Variants in MAST3 observed in about 807,000 individuals in gnomAD.
MAST3 encodes the protein microtubule-associated serine/threonine-protein kinase 3.
In MAST3, 43 loss-of-function variants were observed where a neutral mutation model predicts 127.0. The observed-to-expected ratio is 0.34, with a 90% CI of 0.27 to 0.44. The LOEUF (loss-of-function observed/expected upper bound fraction) is 0.44. Ranked by LOEUF, MAST3 falls within the 20% of genes least tolerant of loss-of-function variation. MAST3 has a pLI of 1.00. For synonymous variants in MAST3, 785 were observed against 809.2 expected (o/e 0.97, Z 0.51); for missense variants, 1,390 against 1,919.1 (o/e 0.72, Z 5.15).
intron 12 of MAST3, 71 bp from the exon 13 acceptor site, chr19:18,128,795 G>A: frequency 8.0e-7 from 1 of 1,247,954 alleles, no homozygotes; most frequent in Non-Finnish European, 1.2e-6. Context: ...CCAGTGGTTT[G>A]GGCTTGGGGG....
chr19:18,109,731 G>A (rs2038363280), intron 2 of MAST3, among the ~76,000 whole-genome samples: 1 of 152,316 alleles, frequency 6.6e-6, no homozygotes, highest in East Asian at 1.9e-4. Flanking sequence ...AGAGGAAACA[G>A]CTGGAAGCCA....
rs942332898 is a variant in MAST3 at position 18,151,280 on chromosome 19, G to C, written c.*1554G>C. The C allele has an allele frequency of 6.6e-6, 1 of 152,182 alleles. No individual in the cohort carries two copies. The highest frequency in any genetic ancestry group is 2.4e-5 in the African/African-American group (1 of 41,436). 9.4% of individuals were successfully genotyped at this position (152,182 alleles called of 1,614,324 possible). A position where few individuals can be genotyped will look rare whatever the true frequency, so the allele number is the denominator to read the frequency against. On this transcript the variant is annotated 3_prime_UTR_variant, in exon 28 of 28. Coordinates refer to ENST00000687212, the MANE Select transcript of MAST3 (RefSeq NM_001393504.1). ...GCGCTTTTACGTGGCTTCTCCCTCA[G>C]CCAGCCTTGAGAAGGCTGGAGGTGG...
At chr19:18,109,981 C>A in intron 2 of MAST3, 3 of 985,366 alleles carry the variant, frequency 3.0e-6, no homozygotes, top group Non-Finnish European at 3.6e-6. Flanking sequence ...CCAGTGACCG[C>A]CCTTCCCTTC....
At chr19:18,148,980 T>TGA (rs2043317568) in intron 27 of MAST3, among the ~76,000 whole-genome samples, 1 of 151,864 alleles carries the variant, frequency 6.6e-6, no homozygotes, top group Non-Finnish European at 1.5e-5. Flanking sequence ...TGAGGATCAC[T>TGA]TCAGCCCAGG....
intron 10 of MAST3, 56 bp downstream of exon 10, chr19:18,124,422 C>G: frequency 1.3e-6 from 2 of 1,482,596 alleles, no homozygotes; most frequent in Middle Eastern, 3.4e-4. Flanking sequence ...AGATTGGGAC[C>G]ACAACAGTCC....
intron 21 of MAST3, 111 bp downstream of exon 21, chr19:18,142,126 A>T: frequency 8.5e-7 from 1 of 1,178,858 alleles, no homozygotes; most frequent in South Asian, 2.9e-5. Context: ...GAAAAGGGTC[A>T]AACATATTGA....
At chr19:18,124,169 T>C in intron 9 of MAST3, 21 bp downstream of exon 9, 1 of 1,601,706 alleles carries the variant, frequency 6.2e-7, no homozygotes, top group South Asian at 1.1e-5. Flanking sequence ...TTTCGCATGT[T>C]GAGGTTTTGC....
chr19:18,121,669 C>T lies in MAST3; in HGVS notation c.162-16C>T, dbSNP rs1020269293. 4 of 1,611,906 alleles carry T rather than the reference C, an allele frequency of 2.5e-6. No homozygotes were observed. Among genetic ancestry groups the T allele is most frequent in the Non-Finnish European group, 3.4e-6 (4 of 1,178,816 alleles). ...CCCTGGGCAGCCACCTACCCTGTCCCCTTTTCCCCCCACAGCTGCCGCAGC... is the reference window on the plus strand; with the variant it reads ...CCCTGGGCAGCCACCTACCCTGTCCTCTTTTCCCCCCACAGCTGCCGCAGC... On this transcript the variant is annotated splice_polypyrimidine_tract_variant and intron_variant, in intron 3 of 27. Coordinates refer to ENST00000687212, the MANE Select transcript of MAST3 (RefSeq NM_001393504.1).
chr19:18,120,171 T>C (rs138231295), intron 3 of MAST3, among the ~76,000 whole-genome samples: 147 of 152,224 alleles, frequency 9.7e-4, no homozygotes, highest in African/African-American at 3.3e-3. Context: ...GGGCAAAAGT[T>C]CAGCAGAAGA....
intron 13 of MAST3, among the ~76,000 whole-genome samples, chr19:18,130,137 G>A (rs950745115): frequency 3.3e-5 from 5 of 151,546 alleles, no homozygotes; most frequent in African/African-American, 4.8e-5. Context: ...CATTTGAGCC[G>A]GGGGGGTGGT....
At chr19:18,101,881 T>TA (rs1213725033) in intron 1 of MAST3, among the ~76,000 whole-genome samples, 9 of 128,538 alleles carry the variant, frequency 7.0e-5, no homozygotes, top group African/African-American at 2.5e-4. Context: ...GGCCTCAAAC[T>TA]CTTTTTTTTT....
At chr19:18,132,873 C>A (rs866227298) in intron 15 of MAST3, among the ~76,000 whole-genome samples, 1 of 152,136 alleles carries the variant, frequency 6.6e-6, no homozygotes, top group Admixed American at 6.6e-5. Context: ...GAGGCCAAGG[C>A]GGGCGGATCA....
intron 15 of MAST3, among the ~76,000 whole-genome samples, chr19:18,133,800 G>A (rs542516204): frequency 8.0e-4 from 121 of 151,862 alleles, no homozygotes; most frequent in Non-Finnish European, 1.5e-3. Context: ...GTGATCTGCC[G>A]GCTTCGGCCT....
At chr19:18,136,218 A>G (rs1391014524) in intron 18 of MAST3, among the ~76,000 whole-genome samples, 1 of 152,134 alleles carries the variant, frequency 6.6e-6, no homozygotes, top group Non-Finnish European at 1.5e-5. Context: ...CGTGGCCACT[A>G]TGGCTCCTGT....
chr19:18,098,248 C>T (rs1328039183), intron 1 of MAST3, among the ~76,000 whole-genome samples: 1 of 152,134 alleles, frequency 6.6e-6, no homozygotes, highest in African/African-American at 2.4e-5. Flanking sequence ...CCACTGTACA[C>T]CCTCAGCTCA....
At position 18,144,860 on chromosome 19, in the gene MAST3, A is replaced by G; in HGVS notation, c.2813-143A>G. 1 of 868,942 alleles carries G rather than the reference A, an allele frequency of 1.2e-6. No homozygotes were observed. The highest frequency in any genetic ancestry group is 1.8e-6 in the Non-Finnish European group (1 of 542,176). The allele number at this position is 868,942 out of a possible 1,614,324, so 53.8% of individuals were successfully genotyped here. On this transcript the variant is annotated intron_variant, in intron 23 of 27. Coordinates refer to ENST00000687212, the MANE Select transcript of MAST3 (RefSeq NM_001393504.1). The surrounding 1 kb of genome is among the most constrained non-coding windows in gnomAD (Gnocchi z 4.0). ...TGGTGTTCCCAGTAGAGGGCACTGC[A>G]CGTGCAAAGGCCTGGTGGGGTGACC...
chr19:18,147,312 A>C, intron 26 of MAST3, 131 bp from the exon 27 acceptor site: 1 of 826,334 alleles, frequency 1.2e-6, no homozygotes, highest in Non-Finnish European at 1.9e-6. Flanking sequence ...CATGTTGGCC[A>C]GGCTGGTCTC....
intron 3 of MAST3, among the ~76,000 whole-genome samples, chr19:18,117,371 A>G (rs1007209325): frequency 2.0e-5 from 3 of 152,154 alleles, no homozygotes; most frequent in Non-Finnish European, 4.4e-5. Context: ...CTGGAGTTCA[A>G]TCAGGTGGCT....
intron 6 of MAST3, 138 bp downstream of exon 6, chr19:18,122,889 A>G (rs774901854): frequency 1.0e-6 from 1 of 975,746 alleles, no homozygotes; most frequent in South Asian, 1.5e-5. Context: ...TGCACGCCCC[A>G]TTCTGGGAAA....
Sources: gnomAD v4.1 joint callset for allele counts (sites outside exome capture counted in the v4.1 genomes callset) on GRCh38, gnomAD v4.1.1 for gene constraint, Gnocchi (gnomAD v3.1) non-coding constraint, MANE v1.5 for transcripts, NCBI Gene and HGNC (gene_info 2026-07-23, HGNC 2026-07-21) for gene names.